Variants in SNRPN observed in about 807,000 individuals in gnomAD.
SNRPN encodes the protein small nuclear ribonucleoprotein-associated protein N.
Under a neutral mutation model 25.2 loss-of-function variants are expected in SNRPN, and 7 were observed. That is an observed-to-expected ratio of 0.28 (90% CI 0.16 to 0.52). The LOEUF is 0.52. Among genes scored for constraint, SNRPN ranks in the 20% least tolerant of loss-of-function variants. The pLI is 0.96. For missense variants in SNRPN, 196 were observed against 322.5 expected, an observed-to-expected ratio of 0.61 and a Z score of 3.00; for synonymous variants, 124 against 110.6, an observed-to-expected ratio of 1.12 and a Z score of -0.76.
At chr15:24,872,271 G>A (rs1440518989) in intron 1 of SNRPN, among the ~76,000 whole-genome samples, 1 of 113,160 alleles carries the variant, frequency 8.8e-6, no homozygotes, top group Admixed American at 9.9e-5. Context: ...GGGTTCAAGT[G>A]ATTCTCCTGC....
chr15:24,912,408 G>A (rs1219731164), intron 2 of SNRPN: 3 of 152,178 alleles, frequency 2.0e-5, no homozygotes, highest in Non-Finnish European at 2.9e-5. Flanking sequence ...TGTACCTTGA[G>A]CATCACCTAT....
At chr15:24,938,291 G>T (rs564839893) in intron 3 of SNRPN, among the ~76,000 whole-genome samples, 2 of 151,918 alleles carry the variant, frequency 1.3e-5, no homozygotes, top group East Asian at 1.9e-4. Context: ...CACACCAGGC[G>T]AACTTTTTAT....
At chr15:24,930,775 T>C (rs1255922491) in intron 3 of SNRPN, among the ~76,000 whole-genome samples, 1 of 151,902 alleles carries the variant, frequency 6.6e-6, no homozygotes. Flanking sequence ...GGTGAGCATC[T>C]GTAAGCCCAG....
chr15:24,873,548 C>T (rs906261240), intron 1 of SNRPN, among the ~76,000 whole-genome samples: 11 of 150,868 alleles, frequency 7.3e-5, no homozygotes, highest in South Asian at 2.1e-4. Context: ...CCCCGGTTCA[C>T]ACCATTCTCC....
At chr15:24,900,293 A>G (rs2058366830) in intron 2 of SNRPN, among the ~76,000 whole-genome samples, 1 of 152,184 alleles carries the variant, frequency 6.6e-6, no homozygotes, top group Non-Finnish European at 1.5e-5. Flanking sequence ...AAGGAAATTC[A>G]TTTGTTGTAG....
In SNRPN at chr15:24,955,023, C is replaced by G. The variant is rs368646285; in HGVS notation, c.-430C>G. 1 of 1,612,796 alleles carries G rather than the reference C, an allele frequency of 6.2e-7. No individual in the cohort carries two copies. Reference sequence around the variant, plus strand: ...CGGCCGCCGGAGATGCCTGACGCATCTGTCTGAGGAGCGGTCAGTGACGCG... The same window carrying G: ...CGGCCGCCGGAGATGCCTGACGCATGTGTCTGAGGAGCGGTCAGTGACGCG... On this transcript the variant is annotated 5_prime_UTR_variant, in exon 1 of 10. In the 5' UTR this introduces an upstream ATG that the reference lacks. Coordinates refer to ENST00000390687, the MANE Select transcript of SNRPN (RefSeq NM_003097.6).
chr15:24,877,661 AACACACACAC>A (rs72120147), intron 1 of SNRPN, among the ~76,000 whole-genome samples: 2,897 of 144,682 alleles, frequency 0.02, 38 homozygotes, highest in Non-Finnish European at 0.029. Flanking sequence ...ATCTCTACAA[AACACACACAC>A]ACACACACAC....
intron 1 of SNRPN, among the ~76,000 whole-genome samples, chr15:24,877,297 C>G (rs1310370880): frequency 2.0e-5 from 3 of 152,150 alleles, no homozygotes; most frequent in Admixed American, 6.5e-5. Flanking sequence ...GCTTTCATGC[C>G]TTAAAGTCAC....
intron 3 of SNRPN, among the ~76,000 whole-genome samples, chr15:24,931,821 A>C (rs1044241992): frequency 8.1e-6 from 1 of 124,058 alleles, no homozygotes; most frequent in Non-Finnish European, 1.6e-5. Flanking sequence ...CCTGGGTGAC[A>C]GAGTGAGAAC....
intron 2 of SNRPN, among the ~76,000 whole-genome samples, chr15:24,896,917 T>C (rs2058114386): frequency 1.3e-5 from 2 of 152,004 alleles, no homozygotes; most frequent in African/African-American, 4.8e-5. Flanking sequence ...TTTGGGAGGC[T>C]GAGGTGGGTA....
chr15:24,848,139 C>G (rs1161459033), intron 2 of SNRPN, among the ~76,000 whole-genome samples: 10 of 150,068 alleles, frequency 6.7e-5, no homozygotes. Context: ...CAGGGCGGCC[C>G]GCAGCAAATG....
At chr15:24,825,923 G>A (rs953015588) in intron 1 of SNRPN, among the ~76,000 whole-genome samples, 5 of 152,000 alleles carry the variant, frequency 3.3e-5, no homozygotes, top group Non-Finnish European at 7.4e-5. Flanking sequence ...TTTATCAGAC[G>A]CATATACCAA....
intron 3 of SNRPN, among the ~76,000 whole-genome samples, chr15:24,941,899 C>G (rs1430733700): frequency 1.3e-5 from 2 of 152,112 alleles, no homozygotes; most frequent in African/African-American, 4.8e-5. Flanking sequence ...TCTGCCTCAG[C>G]CTCCCCAGTA....
intron 3 of SNRPN, among the ~76,000 whole-genome samples, chr15:24,925,012 C>T (rs1159975186): frequency 6.6e-6 from 1 of 152,126 alleles, no homozygotes; most frequent in Non-Finnish European, 1.5e-5. Flanking sequence ...TACTTAACTC[C>T]AAATTCTATT....
At chr15:24,902,890 G>A (rs1333085697) in intron 2 of SNRPN, among the ~76,000 whole-genome samples, 1 of 152,218 alleles carries the variant, frequency 6.6e-6, no homozygotes, top group Non-Finnish European at 1.5e-5. Context: ...AGCGTGGAAA[G>A]GGACCCCAGT....
intron 1 of SNRPN, among the ~76,000 whole-genome samples, chr15:24,959,756 A>G (rs993366520): frequency 1.3e-4 from 20 of 152,156 alleles, no homozygotes; most frequent in African/African-American, 4.8e-4. Context: ...TGGATATATC[A>G]TATTTTCTTC....
At chr15:24,841,723 C>T (rs1174758908) in intron 2 of SNRPN, among the ~76,000 whole-genome samples, 1 of 152,302 alleles carries the variant, frequency 6.6e-6, no homozygotes, top group Admixed American at 6.5e-5. Flanking sequence ...TAAGATTTCC[C>T]TGGTCTTCCT....
At chr15:24,912,445 G>A (rs1419379040) in intron 2 of SNRPN, 2 of 152,086 alleles carry the variant, frequency 1.3e-5, no homozygotes, top group African/African-American at 2.4e-5. Flanking sequence ...ATTTACATGC[G>A]ACTTTCGACT....
chr15:24,846,404 T>C (rs536275654), intron 2 of SNRPN, among the ~76,000 whole-genome samples: 1 of 152,316 alleles, frequency 6.6e-6, no homozygotes, highest in African/African-American at 2.4e-5. Flanking sequence ...TTGTGAGGGA[T>C]GGATAAATGA....
Sources: gnomAD v4.1 joint callset for allele counts (sites outside exome capture counted in the v4.1 genomes callset) on GRCh38, gnomAD v4.1.1 for gene constraint, MANE v1.5 for transcripts, NCBI Gene and HGNC (gene_info 2026-07-23, HGNC 2026-07-21) for gene names.